CACNA1D: variants seen among roughly 807,000 people sequenced by gnomAD.
The protein encoded by CACNA1D is calcium voltage-gated channel subunit alpha1 D.
CACNA1D carries 55 observed loss-of-function variants against 257.1 expected under a neutral mutation model. That is an observed-to-expected ratio of 0.21 (90% CI 0.17 to 0.27). CACNA1D has a LOEUF of 0.27. Among genes scored for constraint, CACNA1D ranks in the 10% least tolerant of loss-of-function variants. The pLI, the probability that CACNA1D is intolerant of heterozygous loss-of-function variation, is 1.00. For missense variants in CACNA1D, 1,876 were observed against 2,784.0 expected, an observed-to-expected ratio of 0.67 and a Z score of 7.34; for synonymous variants, 980 against 1,014.9, an observed-to-expected ratio of 0.97 and a Z score of 0.65.
At chr3:53,630,933 TA>T (rs1209007835) in intron 3 of CACNA1D, among the ~76,000 whole-genome samples, 2 of 152,204 alleles carry the variant, frequency 1.3e-5, no homozygotes, top group African/African-American at 2.4e-5. Context: ...GCATTATGTC[TA>T]AAAAATGCAC....
chr3:53,575,232 G>A (rs2093016116), intron 3 of CACNA1D, among the ~76,000 whole-genome samples: 1 of 152,220 alleles, frequency 6.6e-6, no homozygotes, highest in Admixed American at 6.5e-5. Flanking sequence ...AGCTGCGGGA[G>A]CTTGGAGGAA....
intron 9 of CACNA1D, 54 bp downstream of exon 9, chr3:53,702,864 C>T (rs539993913): frequency 1.9e-5 from 30 of 1,597,652 alleles, no homozygotes; most frequent in Middle Eastern, 1.9e-4. Context: ...GCGGTTCAGA[C>T]GCCTAGCAGT....
chr3:53,630,168 C>T (rs972224570), intron 3 of CACNA1D, among the ~76,000 whole-genome samples: 6 of 152,158 alleles, frequency 3.9e-5, no homozygotes, highest in Admixed American at 6.5e-5. Context: ...GAAGTAGGGC[C>T]ACAGGTTTTG....
intron 2 of CACNA1D, among the ~76,000 whole-genome samples, chr3:53,498,577 GAAT>G (rs986494549): frequency 5.3e-5 from 8 of 152,332 alleles, no homozygotes; most frequent in Middle Eastern, 3.4e-3. Flanking sequence ...GAAGGGGTGT[GAAT>G]GTAGGAATTC....
At chr3:53,638,493 A>G (rs1354762125) in intron 3 of CACNA1D, among the ~76,000 whole-genome samples, 1 of 152,220 alleles carries the variant, frequency 6.6e-6, no homozygotes, top group Non-Finnish European at 1.5e-5. Flanking sequence ...AGTGTTACAT[A>G]GACTAGACAC....
intron 9 of CACNA1D, among the ~76,000 whole-genome samples, chr3:53,715,818 T>A (rs2094812783): frequency 6.6e-6 from 1 of 152,238 alleles, no homozygotes; most frequent in Non-Finnish European, 1.5e-5. Flanking sequence ...GCTGTGAGAC[T>A]ATCTTCCCCT....
rs2095539149 is a variant in CACNA1D at position 53,802,089 on chromosome 3, G to A, written c.5409-58G>A. The A allele has an allele frequency of 2.8e-6, 4 of 1,417,568 alleles. No individual in the cohort carries two copies. In the African/African-American group the frequency reaches 4.2e-5, roughly 15 times the overall value. The allele number at this position is 1,417,568 out of a possible 1,614,324, so 87.8% of individuals were successfully genotyped here. The stretch of plus-strand genomic sequence containing the variant: ...AGCCTGATGTTTGCATTGTAAATTT[G>A]GTTGGAAATTAACTTTTATCTTCTC... On this transcript the variant is annotated intron_variant, in intron 42 of 47. Transcript: ENST00000350061.
chr3:53,722,653 C>G (rs905739078), intron 12 of CACNA1D, among the ~76,000 whole-genome samples, 179 bp downstream of exon 12: 1 of 152,210 alleles, frequency 6.6e-6, no homozygotes, highest in African/African-American at 2.4e-5. Flanking sequence ...ATCTGTGCCG[C>G]GTGGTGAAGC....
chr3:53,745,545 C>T, intron 23 of CACNA1D, 79 bp from the exon 24 acceptor site: 1 of 900,262 alleles, frequency 1.1e-6, no homozygotes, highest in Non-Finnish European at 1.9e-6. Flanking sequence ...CTGGCCAACA[C>T]AGAAACTGTC....
intron 3 of CACNA1D, among the ~76,000 whole-genome samples, chr3:53,578,963 G>A (rs9990404): frequency 0.017 from 2,571 of 152,250 alleles, 55 homozygotes; most frequent in African/African-American, 0.058. Flanking sequence ...GGAAGGGGGA[G>A]TAAAGGGCCC....
At position 53,690,195 on chromosome 3, in the gene CACNA1D, G is replaced by A. The variant is rs147541481; in HGVS notation, c.1221-12446G>A. Among the ~76,000 whole-genome samples, 1,228 of 152,308 alleles carry A rather than the reference G, an allele frequency of 8.1e-3. 19 individuals are homozygous for A. The highest frequency in any genetic ancestry group is 0.012 in the Non-Finnish European group (799 of 68,030). ...CTGCTTTTCTCGTCAGTTGGAAGCT[G>A]GTTCTAAGTCTGGTGAGAGGAAACC... On this transcript the variant is annotated intron_variant, in intron 8 of 47. Coordinates refer to ENST00000350061, the MANE Select transcript of CACNA1D (RefSeq NM_001128840.3).
At chr3:53,772,803 G>T (rs746825611) in intron 32 of CACNA1D, 30 bp from the exon 33 acceptor site, 9 of 1,598,700 alleles carry the variant, frequency 5.6e-6, no homozygotes, top group Admixed American at 1.7e-5. Flanking sequence ...CAGCCGGCTG[G>T]TGCTGAGCCA....
At chr3:53,531,546 G>C (rs2091949556) in intron 3 of CACNA1D, among the ~76,000 whole-genome samples, 1 of 152,186 alleles carries the variant, frequency 6.6e-6, no homozygotes, top group South Asian at 2.1e-4. Flanking sequence ...AAAGTTAAAT[G>C]ATTTGGTGGG....
chr3:53,743,919 C>T (rs570103115), intron 22 of CACNA1D, among the ~76,000 whole-genome samples: 6 of 152,174 alleles, frequency 3.9e-5, no homozygotes, highest in East Asian at 1.9e-4. Context: ...TTATCCTTCT[C>T]GCCTGCCACT....
At chr3:53,666,622 G>T in intron 7 of CACNA1D, 87 bp downstream of exon 7, 1 of 1,082,722 alleles carries the variant, frequency 9.2e-7, no homozygotes, top group East Asian at 2.4e-5. Context: ...GAGGTGGCTG[G>T]AAAAGAAACC....
In CACNA1D at chr3:53,503,778, T is replaced by TG. The variant is rs200237803; in HGVS notation, c.483+2066dup. On this transcript the variant is annotated intron_variant, in intron 3 of 47. Transcript: ENST00000350061. ...AGCTTTGAACTTTTTTTTTTTTTTG[T>TG]GGGGGGGGATTTGGCAGTGTGTTAA... Among the ~76,000 whole-genome samples, 219 of 150,496 alleles carry TG rather than the reference T, an allele frequency of 1.5e-3. 1 individual carries two copies. In the East Asian group the frequency reaches 0.032, roughly 22 times the overall value.
At chr3:53,768,572 A>G (rs1043262691) in intron 30 of CACNA1D, among the ~76,000 whole-genome samples, 1 of 152,244 alleles carries the variant, frequency 6.6e-6, no homozygotes, top group Admixed American at 6.5e-5. Flanking sequence ...GAAGAGGGAA[A>G]TAAAAATAGC....
At position 53,811,384 on chromosome 3, in the gene CACNA1D, T is replaced by A. The variant is rs2095600333; in HGVS notation, c.6464T>A (p.Met2155Lys). The A allele has an allele frequency of 3.2e-6, 5 of 1,576,756 alleles. No individual in the cohort carries two copies. The highest frequency in any genetic ancestry group is 4.3e-6 in the Non-Finnish European group (5 of 1,158,354). ...GATGAGGAGGACCTGGCGGATGAAA[T>A]GATATGCATCACCACCTTGTAGCCC... is the stretch of plus-strand genomic sequence containing the variant. ...GRDEEDLADE[M>K]ICITTL The change falls in exon 48 of 48, where the codon ATG (methionine) becomes AAG (lysine). Residue 2155 changes from methionine (M) to lysine (K), a missense_variant. By Grantham distance (95) the Met-to-Lys change is moderately conservative. Around this residue, in one of 10 missense-constraint regions of CACNA1D, gnomAD observed 491 missense variants for 554.3 expected, o/e 0.89. Coordinates refer to ENST00000350061, the MANE Select transcript of CACNA1D (RefSeq NM_001128840.3). This position sits in a 1 kb window ranked among gnomAD's most constrained non-coding sequence, Gnocchi z 4.2.
chr3:53,632,123 A>C (rs1018877776), intron 3 of CACNA1D, among the ~76,000 whole-genome samples: 8 of 152,198 alleles, frequency 5.3e-5, no homozygotes, highest in African/African-American at 1.9e-4. Context: ...CGTCGATGGG[A>C]TCTCCTTACA....
Sources: allele counts gnomAD v4.1 joint callset (sites outside exome capture counted in the v4.1 genomes callset), GRCh38; gene constraint gnomAD v4.1.1; regional missense constraint gnomAD v4.1.1; non-coding constraint Gnocchi (gnomAD v3.1); transcripts MANE v1.5; gene names NCBI Gene and HGNC (gene_info 2026-07-23, HGNC 2026-07-21).